The following CENPO variants were observed in gnomAD, a reference collection of about 807,000 sequenced individuals.
The protein encoded by CENPO is centromere protein O, also known as centromeric protein O.
Under a neutral mutation model 36.1 loss-of-function variants are expected in CENPO, and 30 were observed. That is an observed-to-expected ratio of 0.83 (90% CI 0.62 to 1.13). The LOEUF is 1.13. Ranked by LOEUF, CENPO falls within the 50% of genes most tolerant of loss-of-function variation. The pLI, the probability that CENPO is intolerant of heterozygous loss-of-function variation, is 0.00. For synonymous variants in CENPO, 171 were observed against 142.3 expected, an observed-to-expected ratio of 1.20 and a Z score of -1.44; for missense variants, 349 against 357.8, an observed-to-expected ratio of 0.98 and a Z score of 0.20.
intron 3 of CENPO, among the ~76,000 whole-genome samples, chr2:24,802,214 A>C (rs1396305220): frequency 6.6e-6 from 1 of 152,158 alleles, no homozygotes; most frequent in Non-Finnish European, 1.5e-5. Context: ...CTATCAGCTT[A>C]AGGAGATTTT....
intron 2 of CENPO, 142 bp downstream of exon 2, chr2:24,794,107 G>C: frequency 2.8e-6 from 2 of 717,550 alleles, no homozygotes; most frequent in East Asian, 5.3e-5. Flanking sequence ...TGAAGACAAA[G>C]GGACAGGCAG....
At position 24,821,591 on chromosome 2, in the gene CENPO, T is replaced by A. The variant is rs779603357; in HGVS notation, c.*2273T>A. 3.7e-6 allele frequency: 6 copies of A among 1,614,196 alleles called. No individual in the cohort carries two copies. Among genetic ancestry groups the A allele is most frequent in the Non-Finnish European group, 5.1e-6 (6 of 1,180,030 alleles). On this transcript the variant is annotated 3_prime_UTR_variant, in exon 8 of 8. Transcript: ENST00000380834. ...CGTATCCTTCATGGCCAGCGCGAAG[T>A]CGGCCAGGTCAGCCAGGTGCTGCCA...
chr2:24,801,665 T>G (rs984689707), intron 3 of CENPO, among the ~76,000 whole-genome samples: 2 of 152,246 alleles, frequency 1.3e-5, no homozygotes, highest in African/African-American at 4.8e-5. Flanking sequence ...CTGAGGCTTC[T>G]GTTCTGTTCC....
At chr2:24,806,504 C>T (rs1176256614) in intron 3 of CENPO, among the ~76,000 whole-genome samples, 1 of 152,198 alleles carries the variant, frequency 6.6e-6, no homozygotes, top group Admixed American at 6.5e-5. Flanking sequence ...TACTGGTAAG[C>T]CAGGCAAGTT....
At chr2:24,818,356 A>AAGAT (rs1380225137) in intron 7 of CENPO, among the ~76,000 whole-genome samples, 1 of 152,208 alleles carries the variant, frequency 6.6e-6, no homozygotes, top group African/African-American at 2.4e-5. Context: ...TTCACTAATG[A>AAGAT]AGATAATAAG....
intron 5 of CENPO, chr2:24,815,975 C>T (rs762555614): frequency 3.6e-6 from 2 of 556,698 alleles, no homozygotes; most frequent in African/African-American, 1.9e-5. Context: ...AAGGATTATG[C>T]ACCCCTGAAT....
At chr2:24,800,494 A>G (rs1424082842) in intron 3 of CENPO, among the ~76,000 whole-genome samples, 6 of 99,778 alleles carry the variant, frequency 6.0e-5, no homozygotes, top group Admixed American at 4.3e-4. Context: ...ACCCCACAAC[A>G]GGCCCCGGTG....
intron 1 of CENPO, 106 bp from the exon 2 acceptor site, chr2:24,793,746 T>A: frequency 9.9e-7 from 1 of 1,009,410 alleles, no homozygotes. Flanking sequence ...CCGTGACATT[T>A]GTGTCATCCG....
Position 24,815,719 on chromosome 2 carries a change from C to CT in CENPO, c.559dup (p.Tyr187LeufsTer14), listed in dbSNP as rs1666910084. 2 of 1,613,988 alleles carry CT rather than the reference C, an allele frequency of 1.2e-6. No homozygotes were observed. The highest frequency in any genetic ancestry group is 1.1e-5 in the South Asian group (1 of 91,082). On this transcript the variant is annotated frameshift_variant, in exon 5 of 8. Transcript: ENST00000380834. LOFTEE classifies it high-confidence loss of function. The stretch of plus-strand genomic sequence containing the variant: ...TTCAGTCTCTGCGAGTACCTGAATG[C>CT]TTACTCTGGGAGGAAGTACCAGGCA...
chr2:24,817,789 A>G lies in CENPO; in HGVS notation c.886A>G (p.Met296Val), dbSNP rs1667028220. 1.2e-6 allele frequency: 2 copies of G among 1,614,212 alleles called. No homozygotes were observed. Among genetic ancestry groups the G allele is most frequent in the South Asian group, 1.1e-5 (1 of 91,082 alleles). Reference sequence around the variant, plus strand: ...TACAAGAAAAGGAGAAAAGTTGGATATGAGTCTGGTCTCCTAATAGATTGT... The same window carrying G: ...TACAAGAAAAGGAGAAAAGTTGGATGTGAGTCTGGTCTCCTAATAGATTGT... ...SFTRKGEKLD[M>V]SLVS is the part of the protein sequence containing the mutation. Residue 296 changes from methionine (M) to valine (V), a missense_variant, in exon 7 of 8, where the codon ATG becomes GTG. Transcript: ENST00000380834.
In CENPO at chr2:24,820,872, G is replaced by A; in HGVS notation, c.*1554G>A. The A allele has an allele frequency of 6.2e-7, 1 of 1,612,452 alleles. No homozygotes were observed. The highest frequency in any genetic ancestry group is 1.1e-5 in the South Asian group (1 of 90,876). On this transcript the variant is annotated 3_prime_UTR_variant, in exon 8 of 8. Transcript: ENST00000380834. Reference sequence around the variant, plus strand: ...GCCTAGGGTAGAGGCATAAAGTTCAGCACAGCCACAGGCCACACCTTGTTA... The same window carrying A: ...GCCTAGGGTAGAGGCATAAAGTTCAACACAGCCACAGGCCACACCTTGTTA...
chr2:24,818,489 T>G (rs981924542), intron 7 of CENPO, among the ~76,000 whole-genome samples: 1 of 151,992 alleles, frequency 6.6e-6, no homozygotes, highest in African/African-American at 2.4e-5. Context: ...AGTGTTTGTT[T>G]GGTTAGGCGC....
intron 2 of CENPO, among the ~76,000 whole-genome samples, chr2:24,794,206 G>A (rs1490634488): frequency 1.3e-5 from 2 of 152,242 alleles, no homozygotes; most frequent in Non-Finnish European, 2.9e-5. Context: ...TATGCTCAGT[G>A]TTTATATTCT....
At position 24,821,797 on chromosome 2, in the gene CENPO, C is replaced by T; in HGVS notation, c.*2479C>T. The stretch of plus-strand genomic sequence containing the variant: ...CAAAGGAGTCGCAGCCACGCTAGCT[C>T]TGACTTGCCACTGTGACAAAGTTCA... On this transcript the variant is annotated 3_prime_UTR_variant, in exon 8 of 8. Coordinates refer to ENST00000380834, the MANE Select transcript of CENPO (RefSeq NM_001322101.2). 9.1e-7 allele frequency: 1 copy of T among 1,097,306 alleles called. No individual in the cohort carries two copies. Among genetic ancestry groups the T allele is most frequent in the Non-Finnish European group, 1.3e-6 (1 of 779,538 alleles). 68.0% of individuals were successfully genotyped at this position (1,097,306 alleles called of 1,614,324 possible). A position where few individuals can be genotyped will look rare whatever the true frequency, so the allele number is the denominator to read the frequency against.
intron 3 of CENPO, among the ~76,000 whole-genome samples, chr2:24,811,652 G>A (rs1367393690): frequency 3.9e-5 from 6 of 152,002 alleles, no homozygotes; most frequent in South Asian, 2.1e-4. Flanking sequence ...TAGTAGAGAC[G>A]GGGTTTTACC....
chr2:24,798,446 GTCTGTT>G (rs1262244345), intron 2 of CENPO, among the ~76,000 whole-genome samples: 3 of 152,088 alleles, frequency 2.0e-5, no homozygotes, highest in Non-Finnish European at 1.5e-5. Context: ...TATAGTGCGT[GTCTGTT>G]TCTATTTGAT....
Position 24,820,728 on chromosome 2 carries a change from A to T in CENPO, c.*1410A>T. The T allele has an allele frequency of 6.2e-7, 1 of 1,614,002 alleles. No individual in the cohort carries two copies. Among genetic ancestry groups the T allele is most frequent in the Non-Finnish European group, 8.5e-7 (1 of 1,179,972 alleles). On this transcript the variant is annotated 3_prime_UTR_variant, in exon 8 of 8. Transcript: ENST00000380834. ...CAGCTGTGCCACTGGACATACCTGA[A>T]TGTTGCCCATGACCCCCGTGGACTC...
In CENPO at chr2:24,799,834, G is replaced by T; in HGVS notation, c.206G>T (p.Arg69Leu). 1 of 1,613,084 alleles carries T rather than the reference G, an allele frequency of 6.2e-7. No homozygotes were observed. The highest frequency in any genetic ancestry group is 8.5e-7 in the Non-Finnish European group (1 of 1,179,926). ...RDELRAVVRH[R>L]RASVKACIAN... is the part of the protein sequence containing the mutation. ...GAGCTGAGGGCTGTGGTGCGGCACCGGCGAGCCAGCGTGAGTAGAAGGGTG... is the reference window on the plus strand; with the variant it reads ...GAGCTGAGGGCTGTGGTGCGGCACCTGCGAGCCAGCGTGAGTAGAAGGGTG... Residue 69 changes from arginine to leucine, a missense_variant, in exon 3 of 8, where the codon CGG becomes CTG. By Grantham distance (102) the Arg-to-Leu change is moderately radical. Coordinates refer to ENST00000380834, the MANE Select transcript of CENPO (RefSeq NM_001322101.2).
rs564978390 is a variant in CENPO, at chr2:24,799,030, CTGGAGTGCAATGGCACTCCAA to C, written c.47-635_47-615del. Among the ~76,000 whole-genome samples, 375 of 93,584 alleles carry C rather than the reference CTGGAGTGCAATGGCACTCCAA, an allele frequency of 4.0e-3. 2 individuals are homozygous for C. The Middle Eastern group carries it at 0.1, about 25-fold the overall frequency. The allele number at this position is 93,584 out of a possible 152,430, so 61.4% of individuals were successfully genotyped here. Reference sequence around the variant, plus strand: ...AGACAGTCTTGCTCTGTCCCCCAGGCTGGAGTGCAATGGCACTCCAATGGAGTGCAGTGATCTTGGCTCACT... The same window carrying C: ...AGACAGTCTTGCTCTGTCCCCCAGGCTGGAGTGCAGTGATCTTGGCTCACT... On this transcript the variant is annotated intron_variant, in intron 2 of 7. Transcript: ENST00000380834.
Sources: allele counts gnomAD v4.1 joint callset (sites outside exome capture counted in the v4.1 genomes callset), GRCh38; gene constraint gnomAD v4.1.1; transcripts MANE v1.5; gene names NCBI Gene and HGNC (gene_info 2026-07-23, HGNC 2026-07-21).